Variants in TTC16 observed in about 807,000 individuals in gnomAD.
The protein encoded by TTC16 is tetratricopeptide repeat domain 16, also known as tetratricopeptide repeat protein 16.
Under a neutral mutation model 80.4 loss-of-function variants are expected in TTC16, and 66 were observed. The observed-to-expected ratio is 0.82, with a 90% CI of 0.67 to 1.01. TTC16 has a LOEUF of 1.01. Ranked by LOEUF, TTC16 falls within the 50% of genes least tolerant of loss-of-function variation. TTC16 has a pLI of 0.00. For synonymous variants in TTC16, 438 were observed against 451.3 expected (o/e 0.97, Z 0.37); for missense variants, 1,070 against 1,103.2 (o/e 0.97, Z 0.43).
chr9:127,729,386 C>G, intron 12 of TTC16, 195 bp from the exon 13 acceptor site: 1 of 565,318 alleles, frequency 1.8e-6, no homozygotes, highest in African/African-American at 1.9e-5. Context: ...CGGCACCATG[C>G]CTGTCTAGCC....
chr9:127,729,823 T>C (rs763515404), intron 13 of TTC16, 155 bp downstream of exon 13: 15 of 646,382 alleles, frequency 2.3e-5, no homozygotes, highest in Non-Finnish European at 4.1e-5. Context: ...GGAGTAACAC[T>C]GTTGCGGGGC....
At chr9:127,730,463 CCT>C (rs1844321920) in intron 13 of TTC16, 171 bp from the exon 14 acceptor site, 1 of 919,784 alleles carries the variant, frequency 1.1e-6, no homozygotes, top group South Asian at 1.8e-5. Flanking sequence ...CAGCCCCACC[CCT>C]CAGGGTCTGG....
intron 7 of TTC16, 139 bp downstream of exon 7, chr9:127,723,472 C>T (rs557328301): frequency 3.0e-5 from 25 of 822,534 alleles, no homozygotes; most frequent in Admixed American, 1.7e-4. Flanking sequence ...CTACTTCCTA[C>T]TGGGTTAAGG....
chr9:127,717,873 G>A (rs1843174741), intron 4 of TTC16, 101 bp downstream of exon 4: 2 of 1,429,632 alleles, frequency 1.4e-6, no homozygotes, highest in Non-Finnish European at 1.9e-6. Context: ...ATTCCTCCTT[G>A]TCCCTGTGTC....
intron 12 of TTC16, chr9:127,729,230 C>T (rs1844198454): frequency 4.5e-6 from 1 of 221,098 alleles, no homozygotes; most frequent in South Asian, 6.3e-5. Flanking sequence ...GTAAAGCCTA[C>T]AGAAGCTCCT....
chr9:127,724,262 G>A lies in TTC16; in HGVS notation c.1015G>A (p.Val339Met), dbSNP rs1187571613. 5 of 1,613,066 alleles carry A rather than the reference G, an allele frequency of 3.1e-6. No individual in the cohort carries two copies. Among genetic ancestry groups the A allele is most frequent in the Non-Finnish European group, 4.2e-6 (5 of 1,180,028 alleles). The change falls in exon 8 of 14, where the codon GTG (valine) becomes ATG (methionine). Residue 339 changes from valine to methionine, a missense_variant. Val to Met is a conservative substitution (Grantham distance 21). Coordinates refer to ENST00000373289, the MANE Select transcript of TTC16 (RefSeq NM_144965.3). ...QLLLTYNDFA[V>M]HCYRQGAYQE... The stretch of plus-strand genomic sequence containing the variant: ...GTTGCTGACCTACAACGACTTTGCC[G>A]TGCACTGCTACAGGCAGGGCGCCTA...
At position 127,731,578 on chromosome 9, in the gene TTC16, A is replaced by C. The variant is rs1363323790; in HGVS notation, c.*173A>C. The C allele has an allele frequency of 7.2e-7, 1 of 1,388,450 alleles. No individual in the cohort carries two copies. Among genetic ancestry groups the C allele is most frequent in the African/African-American group, 1.5e-5 (1 of 68,838 alleles). 86.0% of individuals were successfully genotyped at this position (1,388,450 alleles called of 1,614,324 possible). On this transcript the variant is annotated 3_prime_UTR_variant, in exon 14 of 14. Coordinates refer to ENST00000373289, the MANE Select transcript of TTC16 (RefSeq NM_144965.3). ...TGTTTTCTTTTACAAAATTAAAAAC[A>C]TCTAAAACCAGGCCCAAGTGGCAGC...
rs925906802 is a variant in TTC16 at position 127,718,940 on chromosome 9, C to T, written c.427-1138C>T. Among the ~76,000 whole-genome samples, 1 of 150,316 alleles carries T rather than the reference C, an allele frequency of 6.7e-6. No individual in the cohort carries two copies. The highest frequency in any genetic ancestry group is 2.4e-5 in the African/African-American group (1 of 41,026). The stretch of plus-strand genomic sequence containing the variant: ...AAAATATTCAGTTCTTGGCCGGGCA[C>T]GGTGGCTCACGCCTGTAATCCCAGC... On this transcript the variant is annotated intron_variant, in intron 4 of 13. Transcript: ENST00000373289. The surrounding 1 kb of genome is among the most constrained non-coding windows in gnomAD (Gnocchi z 4.6).
In TTC16 at chr9:127,717,419, C is replaced by CA; in HGVS notation, c.278dup (p.Leu94AlafsTer10). ...CTCCCGCGCACTCCACCTGGACCCA[C>CA]AGCTGGTGAGAGGCAGACCTGGGTG... On this transcript the variant is annotated frameshift_variant, in exon 3 of 14. Transcript: ENST00000373289. LOFTEE classifies it high-confidence loss of function. 6.2e-7 allele frequency: 1 copy of CA among 1,612,390 alleles called. No homozygotes were observed.
chr9:127,721,263 G>C (rs113355018), intron 6 of TTC16, among the ~76,000 whole-genome samples: 3,568 of 152,048 alleles, frequency 0.023, 146 homozygotes, highest in African/African-American at 0.081. Flanking sequence ...AGCGGGGAGG[G>C]CTGGAGGCCA....
At chr9:127,720,430 C>T in intron 6 of TTC16, 35 bp downstream of exon 6, 1 of 1,609,690 alleles carries the variant, frequency 6.2e-7, no homozygotes, top group East Asian at 2.2e-5. Flanking sequence ...GCATGCCCCC[C>T]AACCTGGGAG....
chr9:127,721,077 C>G lies in TTC16; in HGVS notation c.657+682C>G, dbSNP rs554854835. On this transcript the variant is annotated intron_variant, in intron 6 of 13. Transcript: ENST00000373289. ...CAGGGACAGACAGTACAGGGAACAG[C>G]TTGGGAGCAATAGAAACTTGGGGTC... is the stretch of plus-strand genomic sequence containing the variant. Among the ~76,000 whole-genome samples the G allele has an allele frequency of 3.3e-5, 5 of 151,282 alleles. No homozygotes were observed. The East Asian group carries it at 1.0e-3, about 30-fold the overall frequency.
chr9:127,725,154 A>C (rs1212758745), intron 9 of TTC16, among the ~76,000 whole-genome samples: 3 of 152,134 alleles, frequency 2.0e-5, no homozygotes, highest in African/African-American at 7.2e-5. Context: ...TGTGCCTGTA[A>C]TCCCAGCTAC....
rs1206604588 is a variant in TTC16, at chr9:127,718,828, G to A, written c.426+1056G>A. 6.6e-6 allele frequency among the ~76,000 whole-genome samples: 1 copy of A among 151,840 alleles called. No individual in the cohort carries two copies. The highest frequency in any genetic ancestry group is 1.5e-5 in the Non-Finnish European group (1 of 67,912). ...GCCGGTCTCCAACTCCTGACCTCAA[G>A]TAATCCTCCCGCCTCGGCCTCCCAA... On this transcript the variant is annotated intron_variant, in intron 4 of 13. Transcript: ENST00000373289. This position sits in a 1 kb window ranked among gnomAD's most constrained non-coding sequence, Gnocchi z 4.6.
In TTC16 at chr9:127,717,022, TGACTA is replaced by T; in HGVS notation, c.191+7_191+11del. The stretch of plus-strand genomic sequence containing the variant: ...CCCCTCAAAGTCAGGGAATAGTGAG[TGACTA>T]CCTTGCTTTGGGGTCCCAGGTTCCT... On this transcript the variant is annotated splice_region_variant and intron_variant, in intron 2 of 13. Coordinates refer to ENST00000373289, the MANE Select transcript of TTC16 (RefSeq NM_144965.3). 1 of 1,610,034 alleles carries T rather than the reference TGACTA, an allele frequency of 6.2e-7. No individual in the cohort carries two copies. Among genetic ancestry groups the T allele is most frequent in the East Asian group, 2.2e-5 (1 of 44,706 alleles).
chr9:127,731,453 A>G lies in TTC16; in HGVS notation c.*48A>G. The G allele has an allele frequency of 1.3e-6, 2 of 1,558,596 alleles. No homozygotes were observed. Among genetic ancestry groups the G allele is most frequent in the South Asian group, 2.4e-5 (2 of 82,720 alleles). ...TCTTGCTGGGGAGGGGACGAGTTCT[A>G]CCCACCTCCCCACACTGGCACTCAG... On this transcript the variant is annotated 3_prime_UTR_variant, in exon 14 of 14. Transcript: ENST00000373289.
chr9:127,719,339 C>A (rs2131623084), intron 4 of TTC16, among the ~76,000 whole-genome samples: 1 of 152,342 alleles, frequency 6.6e-6, no homozygotes, highest in East Asian at 1.9e-4. Flanking sequence ...GTCACTTCAC[C>A]TCTCTGAGCC....
At chr9:127,725,493 G>A (rs979640552) in intron 9 of TTC16, among the ~76,000 whole-genome samples, 6 of 147,256 alleles carry the variant, frequency 4.1e-5, no homozygotes, top group African/African-American at 1.5e-4. Flanking sequence ...GAACCCGGGA[G>A]GTGGAGCTTG....
chr9:127,721,038 A>G (rs1319573237), intron 6 of TTC16, among the ~76,000 whole-genome samples: 1 of 146,896 alleles, frequency 6.8e-6, no homozygotes, highest in East Asian at 2.1e-4. Context: ...CACCCACACA[A>G]CCTGGGCTGG....
Sources: allele counts gnomAD v4.1 joint callset (sites outside exome capture counted in the v4.1 genomes callset), GRCh38; gene constraint gnomAD v4.1.1; non-coding constraint Gnocchi (gnomAD v3.1); transcripts MANE v1.5; gene names NCBI Gene and HGNC (gene_info 2026-07-23, HGNC 2026-07-21).